Variants in FARS2 observed in about 807,000 individuals in gnomAD.
FARS2 encodes phenylalanine--tRNA ligase, mitochondrial.
In FARS2, 40 loss-of-function variants were observed where a neutral mutation model predicts 46.4. The ratio of observed to expected loss-of-function variants is 0.86; its 90% confidence interval spans 0.67 to 1.12. The LOEUF is 1.12. Among genes scored for constraint, FARS2 ranks in the 50% most tolerant of loss-of-function variants. The pLI is 0.00. For missense variants in FARS2, 513 were observed against 567.9 expected, an observed-to-expected ratio of 0.90 and a Z score of 0.98; for synonymous variants, 234 against 214.9, an observed-to-expected ratio of 1.09 and a Z score of -0.78.
At chr6:5,711,761 C>G (rs7763308) in intron 6 of FARS2, among the ~76,000 whole-genome samples, 61,996 of 152,082 alleles carry the variant, frequency 0.41, 15,003 homozygotes, top group Non-Finnish European at 0.56. Flanking sequence ...GCCAAGAGAG[C>G]CTGAGGAGGC....
chr6:5,766,591 T>C (rs1342883536), intron 6 of FARS2, among the ~76,000 whole-genome samples: 4 of 152,232 alleles, frequency 2.6e-5, no homozygotes, highest in Non-Finnish European at 5.9e-5. Flanking sequence ...TTAGAGGACA[T>C]TGGGATTAAA....
intron 1 of FARS2, among the ~76,000 whole-genome samples, chr6:5,367,024 G>C (rs1758726735): frequency 6.6e-6 from 1 of 152,178 alleles, no homozygotes; most frequent in African/African-American, 2.4e-5. Context: ...GAGAGTTCCT[G>C]GGTATCTTTG....
At chr6:5,756,222 T>C (rs1762198487) in intron 6 of FARS2, among the ~76,000 whole-genome samples, 1 of 152,244 alleles carries the variant, frequency 6.6e-6, no homozygotes, top group South Asian at 2.1e-4. Flanking sequence ...CTGTGGTTTG[T>C]GTTATTTACT....
intron 4 of FARS2, among the ~76,000 whole-genome samples, chr6:5,446,702 G>A (rs1165849986): frequency 6.6e-6 from 1 of 152,134 alleles, no homozygotes; most frequent in Non-Finnish European, 1.5e-5. Flanking sequence ...AGGGGCTGAG[G>A]GAAGAGGAGG....
intron 1 of FARS2, among the ~76,000 whole-genome samples, chr6:5,355,482 G>C (rs1757859234): frequency 6.7e-6 from 1 of 149,284 alleles, no homozygotes; most frequent in Non-Finnish European, 1.5e-5. Context: ...TCAGCCTCCT[G>C]AGTAGCTAGG....
intron 1 of FARS2, among the ~76,000 whole-genome samples, chr6:5,295,790 C>G (rs1581714333): frequency 6.6e-6 from 1 of 152,268 alleles, no homozygotes; most frequent in Non-Finnish European, 1.5e-5. Context: ...GGAGTTTTCT[C>G]TAAATGAAGG....
In FARS2 at chr6:5,563,859, G is replaced by C. The variant is rs867018430; in HGVS notation, c.1065+18519G>C. Reference sequence around the variant, plus strand: ...AGAAGACTGGAATTTATTAAAGAGAGATTGTAGCCCCTCAGGGCTGAGGCC... The same window carrying C: ...AGAAGACTGGAATTTATTAAAGAGACATTGTAGCCCCTCAGGGCTGAGGCC... On this transcript the variant is annotated intron_variant, in intron 5 of 6. Coordinates refer to ENST00000274680, the MANE Select transcript of FARS2 (RefSeq NM_006567.5). Among the ~76,000 whole-genome samples the C allele has an allele frequency of 1.4e-4, 21 of 152,304 alleles. 1 individual carries two copies. Among genetic ancestry groups the C allele is most frequent in the African/African-American group, 4.8e-4 (20 of 41,560 alleles).
chr6:5,483,800 AG>A (rs749333627), intron 4 of FARS2, among the ~76,000 whole-genome samples: 11 of 152,282 alleles, frequency 7.2e-5, no homozygotes, highest in African/African-American at 1.9e-4. Flanking sequence ...TGAGCAGGTG[AG>A]GGGGGGCATT....
intron 6 of FARS2, among the ~76,000 whole-genome samples, chr6:5,640,551 G>A (rs927269288): frequency 2.0e-5 from 3 of 152,208 alleles, no homozygotes; most frequent in African/African-American, 4.8e-5. Flanking sequence ...TCTGAGGAAC[G>A]TGAGCTACCT....
intron 6 of FARS2, among the ~76,000 whole-genome samples, chr6:5,655,374 G>A (rs1316946255): frequency 2.0e-5 from 3 of 152,014 alleles, no homozygotes; most frequent in Non-Finnish European, 2.9e-5. Context: ...CTGAGTAGCT[G>A]TACAAGTTTC....
intron 4 of FARS2, among the ~76,000 whole-genome samples, chr6:5,523,102 C>A (rs981085835): frequency 2.0e-5 from 3 of 152,148 alleles, no homozygotes; most frequent in African/African-American, 7.2e-5. Context: ...TTTTTACATC[C>A]CACTGCCTTC....
At chr6:5,360,045 A>G (rs1031497971) in intron 1 of FARS2, among the ~76,000 whole-genome samples, 8 of 152,248 alleles carry the variant, frequency 5.3e-5, no homozygotes, top group Non-Finnish European at 7.3e-5. Context: ...TAGGTACACC[A>G]AATTCTCTAA....
At chr6:5,324,770 C>T (rs769901131) in intron 1 of FARS2, among the ~76,000 whole-genome samples, 17 of 152,082 alleles carry the variant, frequency 1.1e-4, no homozygotes, top group Admixed American at 2.6e-4. Flanking sequence ...TGGCTGGCAG[C>T]CCCTGAGTCT....
At chr6:5,443,329 C>T (rs1319589459) in intron 4 of FARS2, among the ~76,000 whole-genome samples, 1 of 152,190 alleles carries the variant, frequency 6.6e-6, no homozygotes, top group Non-Finnish European at 1.5e-5. Flanking sequence ...GTGGTTCCTT[C>T]TTTTATCAGA....
rs9504414 is a variant in FARS2, at chr6:5,491,064, T to C, written c.905-54116T>C. On this transcript the variant is annotated intron_variant, in intron 4 of 6. Coordinates refer to ENST00000274680, the MANE Select transcript of FARS2 (RefSeq NM_006567.5). Reference sequence around the variant, plus strand: ...CAATAGATAAGGAATACAAGGAGAGTTCCATCTTCTCCATACCCTCAGCAA... The same window carrying C: ...CAATAGATAAGGAATACAAGGAGAGCTCCATCTTCTCCATACCCTCAGCAA... 8.0e-3 allele frequency among the ~76,000 whole-genome samples: 1,216 copies of C among 152,264 alleles called. 22 individuals are homozygous for C. Among genetic ancestry groups the C allele is most frequent in the African/African-American group, 0.028 (1,169 of 41,558 alleles).
At chr6:5,473,855 A>T (rs1460029109) in intron 4 of FARS2, among the ~76,000 whole-genome samples, 1 of 152,226 alleles carries the variant, frequency 6.6e-6, no homozygotes, top group Non-Finnish European at 1.5e-5. Flanking sequence ...ATAAGCAAAG[A>T]TCTCAGTGCA....
chr6:5,642,634 A>G (rs1240211357), intron 6 of FARS2, among the ~76,000 whole-genome samples: 2 of 152,268 alleles, frequency 1.3e-5, no homozygotes, highest in East Asian at 3.9e-4. Flanking sequence ...CAAAAAAAAA[A>G]ATTGAACTTC....
At chr6:5,516,581 TG>T (rs1188824314) in intron 4 of FARS2, among the ~76,000 whole-genome samples, 2 of 152,198 alleles carry the variant, frequency 1.3e-5, no homozygotes, top group Admixed American at 1.3e-4. Context: ...AATTTGTGTT[TG>T]TCACTTAAAC....
intron 4 of FARS2, among the ~76,000 whole-genome samples, chr6:5,528,752 C>T (rs1561687284): frequency 6.6e-6 from 1 of 152,276 alleles, no homozygotes; most frequent in South Asian, 2.1e-4. Flanking sequence ...AGTTGGGGAC[C>T]CTTGGGAAAG....
Sources: allele counts gnomAD v4.1 joint callset (sites outside exome capture counted in the v4.1 genomes callset), GRCh38; gene constraint gnomAD v4.1.1; transcripts MANE v1.5; gene names NCBI Gene and HGNC (gene_info 2026-07-23, HGNC 2026-07-21).